The following DLGAP1 variants were observed in gnomAD, a reference collection of about 807,000 sequenced individuals.
DLGAP1 encodes DLG associated protein 1.
In DLGAP1, 11 loss-of-function variants were observed where a neutral mutation model predicts 90.8. The ratio of observed to expected loss-of-function variants is 0.12; its 90% CI spans 0.08 to 0.20. DLGAP1 has a LOEUF of 0.20. DLGAP1 is among the 10% of genes least tolerant of loss of function. The probability of loss-of-function intolerance (pLI) is 1.00; values close to 1 mark genes in which losing one functional copy is unlikely to be tolerated. For missense variants in DLGAP1, 1,050 were observed against 1,333.8 expected, an observed-to-expected ratio of 0.79 and a Z score of 3.31; for synonymous variants, 558 against 540.7, an observed-to-expected ratio of 1.03 and a Z score of -0.44.
chr18:4,330,954 T>G (rs510573), intron 1 of DLGAP1, among the ~76,000 whole-genome samples: 51,002 of 150,904 alleles, frequency 0.34, 8,890 homozygotes, highest in African/African-American at 0.38. Flanking sequence ...CTAACTGTAG[T>G]TGTGGACTTG....
chr18:4,154,453 A>G (rs965224264), intron 1 of DLGAP1, among the ~76,000 whole-genome samples: 1 of 152,074 alleles, frequency 6.6e-6, no homozygotes, highest in African/African-American at 2.4e-5. Context: ...TACACCTCAT[A>G]TCATTCATTT....
chr18:3,819,151 A>G (rs942807856), intron 4 of DLGAP1, among the ~76,000 whole-genome samples: 2 of 151,976 alleles, frequency 1.3e-5, no homozygotes, highest in Non-Finnish European at 1.5e-5. Flanking sequence ...TCTACTAAAA[A>G]TACAAAAAAT....
At chr18:4,445,275 T>A (rs2083632754) in intron 1 of DLGAP1, among the ~76,000 whole-genome samples, 1 of 148,834 alleles carries the variant, frequency 6.7e-6, no homozygotes, top group Admixed American at 6.8e-5. Context: ...CTATTCCCTC[T>A]CTAATAACTA....
intron 7 of DLGAP1, chr18:3,596,933 C>T (rs1370489008): frequency 1.9e-6 from 1 of 520,122 alleles, no homozygotes; most frequent in Non-Finnish European, 3.8e-6. Context: ...CATTCTCTGA[C>T]ACCAGCTGGT....
At chr18:4,027,453 C>T (rs1335977007) in intron 2 of DLGAP1, among the ~76,000 whole-genome samples, 1 of 126,682 alleles carries the variant, frequency 7.9e-6, no homozygotes, top group Non-Finnish European at 1.6e-5. Context: ...TTGCAGTGAT[C>T]CAAGATTGCC....
At chr18:4,396,224 A>G (rs1452276254) in intron 1 of DLGAP1, among the ~76,000 whole-genome samples, 3 of 152,184 alleles carry the variant, frequency 2.0e-5, no homozygotes, top group Non-Finnish European at 4.4e-5. Context: ...CAAATCGATG[A>G]AGCTTCCACA....
intron 9 of DLGAP1, among the ~76,000 whole-genome samples, chr18:3,560,623 A>G (rs2054033607): frequency 6.7e-6 from 1 of 150,288 alleles, no homozygotes; most frequent in Non-Finnish European, 1.5e-5. Context: ...GTTTATGTAA[A>G]ATTAAATGAG....
intron 1 of DLGAP1, among the ~76,000 whole-genome samples, chr18:4,437,111 G>C (rs1056348278): frequency 2.0e-5 from 3 of 152,146 alleles, no homozygotes; most frequent in Non-Finnish European, 4.4e-5. Flanking sequence ...AGTTTCTGAG[G>C]AATGACAGTG....
At chr18:3,804,405 T>C (rs1264431600) in intron 5 of DLGAP1, among the ~76,000 whole-genome samples, 1 of 152,234 alleles carries the variant, frequency 6.6e-6, no homozygotes, top group Non-Finnish European at 1.5e-5. Context: ...TAGAAGGAAC[T>C]GGGATTCCCC....
rs77226543 is a variant in DLGAP1 at position 3,517,129 on chromosome 18, T to G, written c.2480-8468A>C. On this transcript the variant is annotated intron_variant, in intron 10 of 12. Transcript: ENST00000315677. This position sits in a 1 kb window ranked among gnomAD's most constrained non-coding sequence, Gnocchi z 4.1. ...TGTTGTTCTACTTATAGAGCACACTTTATAAGAGCACACAAATTTAGCATA... is the reference window on the plus strand; with the variant it reads ...TGTTGTTCTACTTATAGAGCACACTGTATAAGAGCACACAAATTTAGCATA... 0.04 allele frequency among the ~76,000 whole-genome samples: 6,080 copies of G among 152,212 alleles called. 428 individuals carry two copies. The highest frequency in any genetic ancestry group is 0.14 in the African/African-American group (5,768 of 41,506).
Position 3,499,010 on chromosome 18 carries a change from G to A in DLGAP1, c.*175C>T, listed in dbSNP as rs2049787919. ...GATGGGCAAACGGGTACGGGAAGTG[G>A]GGGGCTGAGGGGGGCCCGGGGGGCG... is the stretch of plus-strand genomic sequence containing the variant. On this transcript the variant is annotated 3_prime_UTR_variant, in exon 13 of 13. Transcript: ENST00000315677. This position sits in a 1 kb window ranked among gnomAD's most constrained non-coding sequence, Gnocchi z 6.4. 2 of 584,678 alleles carry A rather than the reference G, an allele frequency of 3.4e-6. No individual in the cohort carries two copies. Among genetic ancestry groups the A allele is most frequent in the South Asian group, 2.2e-5 (1 of 46,054 alleles). 36.2% of individuals were successfully genotyped at this position (584,678 alleles called of 1,614,324 possible).
In DLGAP1 at chr18:4,076,010, C is replaced by T. The variant is rs1057509996; in HGVS notation, c.-158-70809G>A. 3.3e-5 allele frequency among the ~76,000 whole-genome samples: 5 copies of T among 152,160 alleles called. No individual in the cohort carries two copies. In the East Asian group the frequency reaches 7.7e-4, roughly 23 times the overall value. ...ACTCTTGGTCGCTCTCCCTCTCCCT[C>T]TCCCTTTCTCGCTCTCTGTCTGCCA... On this transcript the variant is annotated intron_variant, in intron 2 of 12. Coordinates refer to ENST00000315677, the MANE Select transcript of DLGAP1 (RefSeq NM_004746.4).
intron 5 of DLGAP1, among the ~76,000 whole-genome samples, chr18:3,802,439 T>G (rs1380312780): frequency 6.6e-6 from 1 of 152,206 alleles, no homozygotes; most frequent in Non-Finnish European, 1.5e-5. Flanking sequence ...AAAGATGGCT[T>G]CCCATTTTTA....
At chr18:4,269,352 A>ATTTTTTT (rs1354735064) in intron 1 of DLGAP1, among the ~76,000 whole-genome samples, 1 of 131,262 alleles carries the variant, frequency 7.6e-6, no homozygotes, top group Non-Finnish European at 1.5e-5. Flanking sequence ...ATATATATAT[A>ATTTTTTT]TATTTTTTTT....
chr18:3,726,699 G>C (rs776697312), intron 7 of DLGAP1, among the ~76,000 whole-genome samples: 1 of 152,160 alleles, frequency 6.6e-6, no homozygotes, highest in Non-Finnish European at 1.5e-5. Flanking sequence ...ATTATGTTTG[G>C]TTTAATGATT....
At chr18:3,753,904 C>T (rs1051845853) in intron 5 of DLGAP1, among the ~76,000 whole-genome samples, 4 of 152,198 alleles carry the variant, frequency 2.6e-5, no homozygotes, top group Non-Finnish European at 2.9e-5. Context: ...GGATTGGTTC[C>T]AGGACTCCCT....
In DLGAP1 at chr18:3,879,072, G is replaced by A. The variant is rs747155177; in HGVS notation, c.957+40C>T. The A allele has an allele frequency of 2.1e-6, 3 of 1,434,870 alleles. No homozygotes were observed. Among genetic ancestry groups the A allele is most frequent in the Admixed American group, 5.1e-5 (2 of 39,454 alleles). 88.9% of individuals were successfully genotyped at this position (1,434,870 alleles called of 1,614,324 possible). A position where few individuals can be genotyped will look rare whatever the true frequency, so the allele number is the denominator to read the frequency against. On this transcript the variant is annotated intron_variant, in intron 4 of 12. Coordinates refer to ENST00000315677, the MANE Select transcript of DLGAP1 (RefSeq NM_004746.4). This position sits in a 1 kb window ranked among gnomAD's most constrained non-coding sequence, Gnocchi z 6.6. ...GAGAAATGCCCACACAAGCATGCCA[G>A]GTACTACTTCTAAGCCTCCATCATT...
At chr18:3,559,024 A>G (rs889980051) in intron 9 of DLGAP1, among the ~76,000 whole-genome samples, 6 of 152,204 alleles carry the variant, frequency 3.9e-5, no homozygotes, top group African/African-American at 1.2e-4. Flanking sequence ...TATTTATAGC[A>G]TTCTGGTCTT....
intron 2 of DLGAP1, among the ~76,000 whole-genome samples, chr18:4,073,996 T>C (rs985739430): frequency 2.6e-5 from 4 of 152,178 alleles, no homozygotes; most frequent in Non-Finnish European, 5.9e-5. Context: ...ACATTCTTCA[T>C]AGCCTATATA....
Sources: allele counts gnomAD v4.1 joint callset (sites outside exome capture counted in the v4.1 genomes callset), GRCh38; gene constraint gnomAD v4.1.1; non-coding constraint Gnocchi (gnomAD v3.1); transcripts MANE v1.5; gene names NCBI Gene and HGNC (gene_info 2026-07-23, HGNC 2026-07-21).